The following L3MBTL2 variants were observed in gnomAD, a reference collection of about 807,000 sequenced individuals.
The protein encoded by L3MBTL2 is L3MBTL histone methyl-lysine binding protein 2.
In L3MBTL2, 49 loss-of-function variants were observed where a neutral mutation model predicts 86.4. The ratio of observed to expected loss-of-function variants is 0.57; its 90% CI spans 0.45 to 0.72. The LOEUF (loss-of-function observed/expected upper bound fraction) is 0.72. Ranked by LOEUF, L3MBTL2 falls within the 30% of genes least tolerant of loss-of-function variation. L3MBTL2 has a pLI of 0.00. For missense variants in L3MBTL2, 755 were observed against 923.7 expected (o/e 0.82, Z 2.37); for synonymous variants, 336 against 350.6 (o/e 0.96, Z 0.47).
chr22:41,230,444 C>G lies in L3MBTL2; in HGVS notation c.*193C>G, dbSNP rs1601548554. ...ACCCGCCTGTTGCTTCTGCCCTCCC[C>G]TGTGGAAAGGTCTATATGACGGGCC... On this transcript the variant is annotated 3_prime_UTR_variant, in exon 17 of 17. Transcript: ENST00000216237. 3.4e-6 allele frequency: 2 copies of G among 588,714 alleles called. No homozygotes were observed. The highest frequency in any genetic ancestry group is 5.8e-5 in the East Asian group (2 of 34,514). 36.5% of individuals were successfully genotyped at this position (588,714 alleles called of 1,614,324 possible). A position where few individuals can be genotyped will look rare whatever the true frequency, so the allele number is the denominator to read the frequency against.
chr22:41,210,189 G>T (rs1476616391), intron 2 of L3MBTL2, among the ~76,000 whole-genome samples: 1 of 123,866 alleles, frequency 8.1e-6, no homozygotes, highest in Non-Finnish European at 1.6e-5. Flanking sequence ...TCGCCCTGTT[G>T]CTCAGGATGG....
chr22:41,217,357 A>G, intron 5 of L3MBTL2, 155 bp downstream of exon 5: 1 of 608,402 alleles, frequency 1.6e-6, no homozygotes, highest in Admixed American at 2.9e-5. Flanking sequence ...TTTCATGTTT[A>G]TGTCAAAAAA....
At position 41,225,605 on chromosome 22, in the gene L3MBTL2, A is replaced by G. The variant is rs914150614; in HGVS notation, c.1357-189A>G. On this transcript the variant is annotated intron_variant, in intron 11 of 16. Transcript: ENST00000216237. This position sits in a 1 kb window ranked among gnomAD's most constrained non-coding sequence, Gnocchi z 4.1. Reference sequence around the variant, plus strand: ...GTGTTTGCTGTCTAGTGGGGAAGAGAAAGAATCCCACGCGTATGCATCACA... The same window carrying G: ...GTGTTTGCTGTCTAGTGGGGAAGAGGAAGAATCCCACGCGTATGCATCACA... Among the ~76,000 whole-genome samples, 9 of 152,164 alleles carry G rather than the reference A, an allele frequency of 5.9e-5. No individual in the cohort carries two copies. Among genetic ancestry groups the G allele is most frequent in the Non-Finnish European group, 8.8e-5 (6 of 68,028 alleles).
chr22:41,217,297 G>C, intron 5 of L3MBTL2, 95 bp downstream of exon 5: 1 of 907,474 alleles, frequency 1.1e-6, no homozygotes, highest in Non-Finnish European at 1.8e-6. Context: ...GCTGGACAGT[G>C]ACAGTGGGGA....
intron 2 of L3MBTL2, 97 bp downstream of exon 2, chr22:41,210,030 G>A (rs1047176577): frequency 1.0e-5 from 15 of 1,462,302 alleles, no homozygotes; most frequent in South Asian, 1.3e-5. Flanking sequence ...CCATCCAGAT[G>A]TAAAAGGCTA....
At chr22:41,208,424 C>G (rs2030427446) in intron 1 of L3MBTL2, 1 of 329,914 alleles carries the variant, frequency 3.0e-6, no homozygotes, top group Non-Finnish European at 6.0e-6. Flanking sequence ...ACCACCGTAC[C>G]CAGGCTCTTC....
intron 6 of L3MBTL2, among the ~76,000 whole-genome samples, chr22:41,219,991 C>T (rs1199446595): frequency 6.6e-6 from 1 of 152,124 alleles, no homozygotes; most frequent in Non-Finnish European, 1.5e-5. Flanking sequence ...TGATCCTCTG[C>T]ATCCCAAAGT....
chr22:41,223,115 C>T (rs907339767), intron 8 of L3MBTL2, among the ~76,000 whole-genome samples: 25 of 152,208 alleles, frequency 1.6e-4, no homozygotes, highest in Admixed American at 1.4e-3. Context: ...GGTGTCAGGA[C>T]GTATCCCAAG....
Position 41,213,964 on chromosome 22 carries a change from G to A in L3MBTL2, c.334G>A (p.Val112Ile), listed in dbSNP as rs1190581021. Residue 112 changes from valine to isoleucine, a missense_variant, in exon 3 of 17, where the codon GTC becomes ATC. Physicochemically the swap from Val to Ile is conservative, Grantham distance 29. Around this residue, in one of 3 missense-constraint regions of L3MBTL2, gnomAD observed 18 missense variants for 69.7 expected, o/e 0.26. Coordinates refer to ENST00000216237, the MANE Select transcript of L3MBTL2 (RefSeq NM_031488.5). ...CTCCAAGACCAAGAGGTTCTGCAGC[G>A]TCTCCTGCTCCAGGAGCTACTCCTC... ...FFSKTKRFCSVSCSRSYSSNS... is the reference protein window; with the variant it reads ...FFSKTKRFCSISCSRSYSSNS... The A allele has an allele frequency of 1.2e-6, 2 of 1,614,062 alleles. No individual in the cohort carries two copies. The highest frequency in any genetic ancestry group is 8.5e-7 in the Non-Finnish European group (1 of 1,179,958).
intron 15 of L3MBTL2, chr22:41,228,337 C>T (rs1399438622): frequency 3.0e-6 from 3 of 985,360 alleles, no homozygotes; most frequent in South Asian, 4.7e-5. Context: ...TGGCAGGACT[C>T]CACCTGGCTC....
chr22:41,226,766 A>G lies in L3MBTL2; in HGVS notation c.1587+22A>G, dbSNP rs9623350. 5.2e-4 allele frequency: 818 copies of G among 1,584,660 alleles called. 4 individuals are homozygous for G. The African/African-American group carries it at 9.9e-3, about 19-fold the overall frequency. ...CATGGTGAGGAGACTGAAGTGGAGC[A>G]AGGGGCCTGCGGTGGCCTCAGGACA... On this transcript the variant is annotated intron_variant, in intron 13 of 16. Coordinates refer to ENST00000216237, the MANE Select transcript of L3MBTL2 (RefSeq NM_031488.5).
chr22:41,230,350 C>A lies in L3MBTL2; in HGVS notation c.*99C>A. On this transcript the variant is annotated 3_prime_UTR_variant, in exon 17 of 17. Transcript: ENST00000216237. ...ACCTGACTTTGGCTTGGAGACTGAT[C>A]CTCTCTGTGTAAATTCTGCCCGGTG... 2.3e-6 allele frequency: 2 copies of A among 873,606 alleles called. No homozygotes were observed. Among genetic ancestry groups the A allele is most frequent in the Non-Finnish European group, 3.7e-6 (2 of 534,926 alleles). 54.1% of individuals were successfully genotyped at this position (873,606 alleles called of 1,614,324 possible). A position where few individuals can be genotyped will look rare whatever the true frequency, so the allele number is the denominator to read the frequency against.
chr22:41,230,140 C>A lies in L3MBTL2; in HGVS notation c.2007C>A (p.Ile669=). The change falls in exon 17 of 17, where the codon ATC becomes ATA. Residue 669 remains isoleucine, a splice_region_variant and synonymous_variant. Transcript: ENST00000216237. ...CACCCGCCTCCCCTCCCTCTTCAGT[C>A]ATTGCTGTGCGTGTGAAGGAAGAGC... The part of the protein sequence containing the change: ...KISSEPVPGE[I]IAVRVKEEHL... The A allele has an allele frequency of 2.3e-6, 3 of 1,299,096 alleles. No individual in the cohort carries two copies. The highest frequency in any genetic ancestry group is 2.3e-5 in the South Asian group (2 of 85,814). 80.5% of individuals were successfully genotyped at this position (1,299,096 alleles called of 1,614,324 possible).
chr22:41,211,542 G>A (rs2030795896), intron 2 of L3MBTL2, among the ~76,000 whole-genome samples: 1 of 126,396 alleles, frequency 7.9e-6, no homozygotes, highest in Non-Finnish European at 1.6e-5. Flanking sequence ...ACTCTTTGCA[G>A]TTGAATCTTA....
rs373816501 is a variant in L3MBTL2 at position 41,230,464 on chromosome 22, C to G, written c.*213C>G. 2 of 521,568 alleles carry G rather than the reference C, an allele frequency of 3.8e-6. No individual in the cohort carries two copies. The highest frequency in any genetic ancestry group is 6.8e-6 in the Non-Finnish European group (2 of 294,836). 32.3% of individuals were successfully genotyped at this position (521,568 alleles called of 1,614,324 possible). Reference sequence around the variant, plus strand: ...CTCCCCTGTGGAAAGGTCTATATGACGGGCCGCCTGAGGCCCCAGAACTCG... The same window carrying G: ...CTCCCCTGTGGAAAGGTCTATATGAGGGGCCGCCTGAGGCCCCAGAACTCG... On this transcript the variant is annotated 3_prime_UTR_variant, in exon 17 of 17. Transcript: ENST00000216237.
At chr22:41,219,397 G>T in intron 5 of L3MBTL2, 22 bp from the exon 6 acceptor site, 2 of 1,563,448 alleles carry the variant, frequency 1.3e-6, no homozygotes, top group Non-Finnish European at 1.8e-6. Flanking sequence ...CACTCTCTCG[G>T]TACACTCTCA....
Position 41,209,783 on chromosome 22 carries a change from A to G in L3MBTL2, c.112A>G (p.Ser38Gly). 6.2e-7 allele frequency: 1 copy of G among 1,614,206 alleles called. No homozygotes were observed. The highest frequency in any genetic ancestry group is 8.5e-7 in the Non-Finnish European group (1 of 1,180,048). The stretch of plus-strand genomic sequence containing the variant: ...CTATGATAGTTTCCGGAGTTATAAC[A>G]GCAGTGTGGGCAGTGAGAGCAGCTC... The part of the protein sequence containing the change: ...GGYDSFRSYN[S>G]SVGSESSSYL... The change falls in exon 2 of 17, where the codon AGC becomes GGC. Residue 38 changes from serine to glycine, a missense_variant. Coordinates refer to ENST00000216237, the MANE Select transcript of L3MBTL2 (RefSeq NM_031488.5).
Position 41,221,267 on chromosome 22 carries a change from C to T in L3MBTL2, c.922C>T (p.Pro308Ser). 1 of 1,551,660 alleles carries T rather than the reference C, an allele frequency of 6.4e-7. No homozygotes were observed. The highest frequency in any genetic ancestry group is 8.7e-7 in the Non-Finnish European group (1 of 1,146,922). Residue 308 changes from proline to serine, a missense_variant, in exon 8 of 17, where the codon CCC becomes TCC. Coordinates refer to ENST00000216237, the MANE Select transcript of L3MBTL2 (RefSeq NM_031488.5). ...ACGGCTGGTGGGCTCCAGGACGCTTCCCGTGGATTTCCACATCAAGGTCGG... is the reference window on the plus strand; with the variant it reads ...ACGGCTGGTGGGCTCCAGGACGCTTTCCGTGGATTTCCACATCAAGGTCGG... ...MKRLVGSRTL[P>S]VDFHIKMVES... is the part of the protein sequence containing the mutation.
intron 3 of L3MBTL2, chr22:41,214,279 A>G (rs1311478119): frequency 2.6e-5 from 9 of 340,274 alleles, no homozygotes; most frequent in African/African-American, 8.3e-5. Context: ...ATTTTAAACA[A>G]GAACTATGGG....
Sources: gnomAD v4.1 joint callset for allele counts (sites outside exome capture counted in the v4.1 genomes callset) on GRCh38, gnomAD v4.1.1 for gene constraint, gnomAD v4.1.1 regional missense constraint, Gnocchi (gnomAD v3.1) non-coding constraint, MANE v1.5 for transcripts, NCBI Gene and HGNC (gene_info 2026-07-23, HGNC 2026-07-21) for gene names.